Variants in ATXN2 observed in about 807,000 individuals in gnomAD.
The protein encoded by ATXN2 is ataxin 2.
Under a neutral mutation model 138.6 loss-of-function variants are expected in ATXN2, and 37 were observed. The observed-to-expected ratio is 0.27, with a 90% confidence interval of 0.21 to 0.35. The LOEUF (loss-of-function observed/expected upper bound fraction) is 0.35, where lower values mean the gene tolerates loss of function less well. Among genes scored for constraint, ATXN2 ranks in the 10% least tolerant of loss-of-function variants. ATXN2 has a pLI of 1.00. For synonymous variants in ATXN2, 549 were observed against 543.7 expected, an observed-to-expected ratio of 1.01 and a Z score of -0.13; for missense variants, 1,216 against 1,480.3, an observed-to-expected ratio of 0.82 and a Z score of 2.93.
Position 111,540,202 on chromosome 12 carries a change from A to G in ATXN2, c.571+12078T>C, listed in dbSNP as rs537259448. Among the ~76,000 whole-genome samples the G allele has an allele frequency of 8.0e-5, 12 of 150,642 alleles. 2 individuals are homozygous for G. The highest frequency in any genetic ancestry group is 2.9e-4 in the African/African-American group (12 of 41,438). ...CTCTTGCTTTATTACTAGTTTTAAT[A>G]TATCTGCATGCATAAGACTCCATTG... On this transcript the variant is annotated intron_variant, in intron 5 of 24. Coordinates refer to ENST00000673436, the MANE Select transcript of ATXN2 (RefSeq NM_001372574.1).
chr12:111,596,514 ATTT>A (rs1471396189), intron 1 of ATXN2, among the ~76,000 whole-genome samples: 2 of 152,252 alleles, frequency 1.3e-5, no homozygotes, highest in African/African-American at 4.8e-5. Flanking sequence ...TCAGAGACTT[ATTT>A]TCACTGTTGA....
intron 1 of ATXN2, among the ~76,000 whole-genome samples, chr12:111,571,905 G>C (rs1264423975): frequency 6.6e-6 from 1 of 151,304 alleles, no homozygotes; most frequent in Non-Finnish European, 1.5e-5. Context: ...CCAGTTACTC[G>C]GGAAGCTGAG....
intron 1 of ATXN2, among the ~76,000 whole-genome samples, chr12:111,583,308 T>G (rs1884118863): frequency 6.6e-6 from 1 of 152,172 alleles, no homozygotes; most frequent in African/African-American, 2.4e-5. Context: ...ATATTCTTTC[T>G]CTTTTAATAG....
chr12:111,502,369 T>C (rs1878828926), intron 14 of ATXN2, among the ~76,000 whole-genome samples: 1 of 152,230 alleles, frequency 6.6e-6, no homozygotes, highest in Non-Finnish European at 1.5e-5. Flanking sequence ...ATATGGAATA[T>C]AGCACTCTGC....
rs1025276930 is a variant in ATXN2 at position 111,523,680 on chromosome 12, C to T, written c.696+1512G>A. Reference sequence around the variant, plus strand: ...GGTGGAGGTTACAGGGAGCCGAGATCGCACCACTGCACTCCAGTCTGGGTG... The same window carrying T: ...GGTGGAGGTTACAGGGAGCCGAGATTGCACCACTGCACTCCAGTCTGGGTG... On this transcript the variant is annotated intron_variant, in intron 6 of 24. Transcript: ENST00000673436. 3.9e-5 allele frequency among the ~76,000 whole-genome samples: 6 copies of T among 151,930 alleles called. No homozygotes were observed. The East Asian group carries it at 5.8e-4, about 15-fold the overall frequency.
At chr12:111,503,871 T>G (rs995940526) in intron 14 of ATXN2, among the ~76,000 whole-genome samples, 1 of 151,672 alleles carries the variant, frequency 6.6e-6, no homozygotes, top group Non-Finnish European at 1.5e-5. Context: ...ATTATAGGTA[T>G]CAGCCACCGT....
chr12:111,489,772 T>A (rs1831914582), intron 14 of ATXN2, among the ~76,000 whole-genome samples: 1 of 150,830 alleles, frequency 6.6e-6, no homozygotes, highest in African/African-American at 2.4e-5. Context: ...AAAATAATAA[T>A]AAAATAAAAT....
intron 1 of ATXN2, among the ~76,000 whole-genome samples, chr12:111,573,714 T>C (rs1002383034): frequency 2.6e-5 from 4 of 152,130 alleles, no homozygotes; most frequent in Non-Finnish European, 5.9e-5. Context: ...GGCTGGGCTG[T>C]TGTAAGGCTT....
chr12:111,460,941 T>TA (rs953465774), intron 21 of ATXN2, among the ~76,000 whole-genome samples: 3 of 152,010 alleles, frequency 2.0e-5, no homozygotes, highest in African/African-American at 7.2e-5. Flanking sequence ...AGGCTTTGTT[T>TA]AAAAAAACAA....
At chr12:111,566,342 G>A (rs1883003327) in intron 1 of ATXN2, among the ~76,000 whole-genome samples, 1 of 150,636 alleles carries the variant, frequency 6.6e-6, no homozygotes, top group Non-Finnish European at 1.5e-5. Flanking sequence ...TGAGGCAGGA[G>A]AATTGCTTGA....
intron 1 of ATXN2, among the ~76,000 whole-genome samples, chr12:111,560,546 G>C (rs775052809): frequency 9.9e-5 from 15 of 152,166 alleles, no homozygotes; most frequent in Non-Finnish European, 1.9e-4. Context: ...TGATTCTAGA[G>C]TGATGGTAGG....
At position 111,532,044 on chromosome 12, in the gene ATXN2, G is replaced by C. The variant is rs183486369; in HGVS notation, c.572-6728C>G. ...TAATAACTATTATAAATTTAAAGAG[G>C]TGATGAACATACATAATAATTTGAA... is the stretch of plus-strand genomic sequence containing the variant. On this transcript the variant is annotated intron_variant, in intron 5 of 24. Coordinates refer to ENST00000673436, the MANE Select transcript of ATXN2 (RefSeq NM_001372574.1). Among the ~76,000 whole-genome samples the C allele has an allele frequency of 1.6e-4, 25 of 152,240 alleles. No individual in the cohort carries two copies. The East Asian group carries it at 3.9e-3, about 23-fold the overall frequency.
chr12:111,540,004 T>C lies in ATXN2; in HGVS notation c.571+12276A>G, dbSNP rs948938825. Among the ~76,000 whole-genome samples the C allele has an allele frequency of 6.7e-5, 10 of 150,322 alleles. 2 individuals are homozygous for C. The highest frequency in any genetic ancestry group is 1.2e-4 in the Non-Finnish European group (8 of 67,106). On this transcript the variant is annotated intron_variant, in intron 5 of 24. Coordinates refer to ENST00000673436, the MANE Select transcript of ATXN2 (RefSeq NM_001372574.1). Reference sequence around the variant, plus strand: ...ATTCCAATTCTTACAGCTGTACAAATATCTTTTCTGTTTCCCTGGCAAATA... The same window carrying C: ...ATTCCAATTCTTACAGCTGTACAAACATCTTTTCTGTTTCCCTGGCAAATA...
Position 111,479,487 on chromosome 12 carries a change from C to CAGTG in ATXN2, c.2524+5774_2524+5777dup, listed in dbSNP as rs1307750265. On this transcript the variant is annotated intron_variant, in intron 18 of 24. Transcript: ENST00000673436. ...ATCCCAGCTACTTGGGAGGCTGAGG[C>CAGTG]AGTGGAATTGCAGACCAATTCTGGG... is the stretch of plus-strand genomic sequence containing the variant. 3.3e-5 allele frequency among the ~76,000 whole-genome samples: 5 copies of CAGTG among 150,416 alleles called. No individual in the cohort carries two copies. The South Asian group carries it at 1.1e-3, about 32-fold the overall frequency.
chr12:111,556,029 G>T, intron 1 of ATXN2, 110 bp from the exon 2 acceptor site: 1 of 882,806 alleles, frequency 1.1e-6, no homozygotes, highest in Non-Finnish European at 1.7e-6. Context: ...GCTATCTGTG[G>T]GGAGAGCTCA....
At position 111,509,521 on chromosome 12, in the gene ATXN2, C is replaced by A; in HGVS notation, c.1935+28G>T. 3 of 1,274,900 alleles carry A rather than the reference C, an allele frequency of 2.4e-6. No individual in the cohort carries two copies. The South Asian group carries it at 3.9e-5, about 17-fold the overall frequency. 79.0% of individuals were successfully genotyped at this position (1,274,900 alleles called of 1,614,324 possible). A position where few individuals can be genotyped will look rare whatever the true frequency, so the allele number is the denominator to read the frequency against. Reference sequence around the variant, plus strand: ...TTAGTAATGCTTATTTTCTAAAACTCAAATTCATCAGTTAGTACAATACTT... The same window carrying A: ...TTAGTAATGCTTATTTTCTAAAACTAAAATTCATCAGTTAGTACAATACTT... On this transcript the variant is annotated intron_variant, in intron 14 of 24. Transcript: ENST00000673436.
intron 2 of ATXN2, among the ~76,000 whole-genome samples, 154 bp downstream of exon 2, chr12:111,555,725 TAAAA>T (rs1213270397): frequency 6.6e-6 from 1 of 151,946 alleles, no homozygotes; most frequent in Non-Finnish European, 1.5e-5. Context: ...ACAGAGTCAT[TAAAA>T]AAACACATAT....
At chr12:111,567,826 C>T (rs572639180) in intron 1 of ATXN2, among the ~76,000 whole-genome samples, 3 of 152,198 alleles carry the variant, frequency 2.0e-5, no homozygotes, top group South Asian at 4.1e-4. Flanking sequence ...AATAAATGTA[C>T]ATTTTCGTAT....
intron 1 of ATXN2, among the ~76,000 whole-genome samples, chr12:111,570,244 T>G (rs900497618): frequency 2.0e-5 from 3 of 152,078 alleles, no homozygotes; most frequent in African/African-American, 7.2e-5. Context: ...GCTCATAAAC[T>G]TATCCCTTTC....
Sources: allele counts gnomAD v4.1 joint callset (sites outside exome capture counted in the v4.1 genomes callset), GRCh38; gene constraint gnomAD v4.1.1; transcripts MANE v1.5; gene names NCBI Gene and HGNC (gene_info 2026-07-23, HGNC 2026-07-21).